PCBP3: variants seen among roughly 807,000 people sequenced by gnomAD.
The protein encoded by PCBP3 is poly(rC) binding protein 3, also known as poly(rC)-binding protein 3.
A neutral mutation model predicts 52.7 loss-of-function variants in PCBP3; 25 were observed. The ratio of observed to expected loss-of-function variants is 0.47; its 90% CI spans 0.35 to 0.66. The LOEUF is 0.66. Among genes scored for constraint, PCBP3 ranks in the 30% least tolerant of loss-of-function variants. The pLI, the probability that PCBP3 is intolerant of heterozygous loss-of-function variation, is 0.01. For synonymous variants in PCBP3, 162 were observed against 183.0 expected (o/e 0.89, Z 0.93); for missense variants, 391 against 490.3 (o/e 0.80, Z 1.91).
chr21:45,824,037 C>T (rs931256924), intron 4 of PCBP3, among the ~76,000 whole-genome samples: 3 of 152,196 alleles, frequency 2.0e-5, no homozygotes, highest in African/African-American at 7.2e-5. Flanking sequence ...CCACTAGGCT[C>T]GGCCTGTTTG....
chr21:45,673,170 A>T (rs1437168846), intron 2 of PCBP3, among the ~76,000 whole-genome samples: 1 of 152,228 alleles, frequency 6.6e-6, no homozygotes, highest in East Asian at 1.9e-4. Context: ...ATATGTATTT[A>T]ATAATAGATA....
chr21:45,680,847 C>T (rs1322118653), intron 2 of PCBP3, among the ~76,000 whole-genome samples: 1 of 152,042 alleles, frequency 6.6e-6, no homozygotes, highest in East Asian at 1.9e-4. Context: ...AAGTTAAATA[C>T]CTTTTTCTCT....
chr21:45,852,125 G>T (rs1016937462), intron 5 of PCBP3, among the ~76,000 whole-genome samples: 1 of 152,192 alleles, frequency 6.6e-6, no homozygotes, highest in African/African-American at 2.4e-5. Context: ...AATCATAAAT[G>T]TTTACAGTGA....
chr21:45,729,126 G>A (rs1317992372), intron 2 of PCBP3, among the ~76,000 whole-genome samples: 1 of 152,048 alleles, frequency 6.6e-6, no homozygotes, highest in South Asian at 2.1e-4. Flanking sequence ...TGTCTCTATG[G>A]ACTTGCCTGT....
chr21:45,829,533 G>A lies in PCBP3; in HGVS notation c.-125-20428G>A, dbSNP rs1303669822. Reference sequence around the variant, plus strand: ...TCTTGCAGTGTTTTCTGAACATTTTGTGGCCTAGCGGTACCAGGACGGTTC... The same window carrying A: ...TCTTGCAGTGTTTTCTGAACATTTTATGGCCTAGCGGTACCAGGACGGTTC... On this transcript the variant is annotated intron_variant, in intron 4 of 17. Coordinates refer to ENST00000681687, the MANE Select transcript of PCBP3 (RefSeq NM_001384156.1). The surrounding 1 kb of genome is among the most constrained non-coding windows in gnomAD (Gnocchi z 5.2). 1 of 152,184 alleles carries A rather than the reference G, an allele frequency of 6.6e-6. No homozygotes were observed. Among genetic ancestry groups the A allele is most frequent in the Non-Finnish European group, 1.5e-5 (1 of 68,066 alleles). The allele number at this position is 152,184 out of a possible 1,614,324, so 9.4% of individuals were successfully genotyped here.
chr21:45,894,074 G>A (rs1271146378), intron 5 of PCBP3: 66 of 978,946 alleles, frequency 6.7e-5, no homozygotes, highest in Admixed American at 1.2e-4. Context: ...CTGGCCTTCC[G>A]AGTGGTCTGC....
chr21:45,924,447 G>A (rs1222723722), intron 13 of PCBP3, among the ~76,000 whole-genome samples: 15 of 139,548 alleles, frequency 1.1e-4, no homozygotes, highest in Admixed American at 6.2e-4. Flanking sequence ...CAGTCGCGTG[G>A]GTAGAAACAG....
At chr21:45,671,653 G>A (rs950452282) in intron 2 of PCBP3, among the ~76,000 whole-genome samples, 6 of 152,172 alleles carry the variant, frequency 3.9e-5, no homozygotes, top group Non-Finnish European at 7.3e-5. Context: ...TTTGGGCTTT[G>A]GTTAGGTGAT....
At chr21:45,854,427 C>T (rs1368004593) in intron 5 of PCBP3, among the ~76,000 whole-genome samples, 1 of 152,158 alleles carries the variant, frequency 6.6e-6, no homozygotes, top group Admixed American at 6.5e-5. Context: ...CCTCCCTCCC[C>T]CAGCCTCTGG....
At chr21:45,684,330 T>C (rs1201336778) in intron 2 of PCBP3, among the ~76,000 whole-genome samples, 2 of 152,274 alleles carry the variant, frequency 1.3e-5, no homozygotes, top group Non-Finnish European at 2.9e-5. Context: ...GATGGTGCCA[T>C]TGGTAAGGAA....
At chr21:45,885,499 T>A (rs1293217354) in intron 5 of PCBP3, among the ~76,000 whole-genome samples, 1 of 152,168 alleles carries the variant, frequency 6.6e-6, no homozygotes, top group East Asian at 1.9e-4. Context: ...TTTGTTCTCT[T>A]TTTCTGGTAC....
intron 4 of PCBP3, chr21:45,832,662 G>A (rs1465196246): frequency 1.3e-5 from 2 of 152,220 alleles, no homozygotes; most frequent in Admixed American, 6.5e-5. Flanking sequence ...AGCACTCCTG[G>A]GAGCAAGAGA....
intron 6 of PCBP3, among the ~76,000 whole-genome samples, chr21:45,898,438 A>AGCCTCCCTCTGCACACCGTCCTCACG (rs2095898676): frequency 1.7e-5 from 2 of 120,484 alleles, no homozygotes; most frequent in Admixed American, 8.1e-5. Flanking sequence ...CCGTCCTCAC[A>AGCCTCCCTCTGCACACCGTCCTCACG]GCCTCCCTCT....
chr21:45,803,231 C>A (rs2092374744), intron 4 of PCBP3, among the ~76,000 whole-genome samples: 3 of 152,206 alleles, frequency 2.0e-5, no homozygotes, highest in South Asian at 4.1e-4. Flanking sequence ...GGGTAGTGGC[C>A]ATGCAAGGGT....
At chr21:45,806,023 G>A (rs1173086914) in intron 4 of PCBP3, among the ~76,000 whole-genome samples, 1 of 152,206 alleles carries the variant, frequency 6.6e-6, no homozygotes. Flanking sequence ...CGGTCCACAC[G>A]AATGTCATGT....
At chr21:45,789,417 T>C (rs767402340) in intron 4 of PCBP3, among the ~76,000 whole-genome samples, 1 of 150,962 alleles carries the variant, frequency 6.6e-6, no homozygotes, top group African/African-American at 2.4e-5. Flanking sequence ...TGATCGTGTC[T>C]TTTCATGTGT....
intron 2 of PCBP3, among the ~76,000 whole-genome samples, chr21:45,676,286 A>G (rs993265163): frequency 3.9e-5 from 6 of 152,192 alleles, no homozygotes; most frequent in Admixed American, 3.3e-4. Flanking sequence ...AAAAGTTAGA[A>G]TTGTGGAAAA....
In PCBP3 at chr21:45,784,421, C is replaced by T. The variant is rs778140991; in HGVS notation, c.-126+28969C>T. ...CGCTACCTCTACCGCTACCGCTACC[C>T]CTACCTCCTACCTCCTACCTCCTAC... On this transcript the variant is annotated intron_variant, in intron 4 of 17. Transcript: ENST00000681687. Among the ~76,000 whole-genome samples, 675 of 78,644 alleles carry T rather than the reference C, an allele frequency of 8.6e-3. 2 individuals carry two copies. The highest frequency in any genetic ancestry group is 0.019 in the Middle Eastern group (3 of 158). 51.6% of individuals were successfully genotyped at this position (78,644 alleles called of 152,430 possible).
intron 16 of PCBP3, among the ~76,000 whole-genome samples, chr21:45,936,928 C>T (rs2076951196): frequency 6.6e-6 from 1 of 152,154 alleles, no homozygotes; most frequent in Non-Finnish European, 1.5e-5. Flanking sequence ...AAGGCAGCTT[C>T]CTCTTATCCC....
Sources: allele counts gnomAD v4.1 joint callset (sites outside exome capture counted in the v4.1 genomes callset), GRCh38; gene constraint gnomAD v4.1.1; non-coding constraint Gnocchi (gnomAD v3.1); transcripts MANE v1.5; gene names NCBI Gene and HGNC (gene_info 2026-07-23, HGNC 2026-07-21).